NELL2: variants seen among roughly 807,000 people sequenced by gnomAD.
NELL2 encodes neural EGFL like 2.
In NELL2, 41 loss-of-function variants were observed where a neutral mutation model predicts 109.6. The ratio of observed to expected loss-of-function variants is 0.37; its 90% CI spans 0.29 to 0.49. The LOEUF is 0.49. Ranked by LOEUF, NELL2 falls within the 20% of genes least tolerant of loss-of-function variation. NELL2 has a pLI of 0.98. For synonymous variants in NELL2, 355 were observed against 344.7 expected, an observed-to-expected ratio of 1.03 and a Z score of -0.33; for missense variants, 900 against 1,008.3, an observed-to-expected ratio of 0.89 and a Z score of 1.45.
chr12:44,563,296 C>A, intron 15 of NELL2, among the ~76,000 whole-genome samples: 1 of 150,902 alleles, frequency 6.6e-6, no homozygotes, highest in Admixed American at 6.6e-5. Flanking sequence ...CCATGTATCC[C>A]AGAACTTAAA....
intron 15 of NELL2, among the ~76,000 whole-genome samples, chr12:44,582,616 G>A (rs1944362516): frequency 6.6e-6 from 1 of 152,028 alleles, no homozygotes; most frequent in Non-Finnish European, 1.5e-5. Context: ...ATGCTTTAAA[G>A]TGAAATTTAG....
At chr12:44,652,431 C>T (rs572291841) in intron 13 of NELL2, among the ~76,000 whole-genome samples, 19 of 152,172 alleles carry the variant, frequency 1.2e-4, no homozygotes, top group South Asian at 8.3e-4. Flanking sequence ...AAATGTTGAG[C>T]ACCCCTCATT....
intron 9 of NELL2, among the ~76,000 whole-genome samples, chr12:44,733,647 G>T (rs181376031): frequency 6.6e-6 from 1 of 151,900 alleles, no homozygotes; most frequent in East Asian, 1.9e-4. Context: ...ACATCAATGT[G>T]CATATAGTTA....
At chr12:44,644,784 T>G (rs1163517935) in intron 13 of NELL2, among the ~76,000 whole-genome samples, 1 of 151,478 alleles carries the variant, frequency 6.6e-6, no homozygotes, top group Non-Finnish European at 1.5e-5. Context: ...TGCTACTCAT[T>G]CATCTATACC....
chr12:44,593,369 G>A (rs1944830463), intron 15 of NELL2, among the ~76,000 whole-genome samples: 2 of 152,156 alleles, frequency 1.3e-5, no homozygotes, highest in South Asian at 2.1e-4. Flanking sequence ...AGGCAGGAGG[G>A]AGAGGAGTAA....
At chr12:44,716,685 C>T (rs1487456507) in intron 9 of NELL2, among the ~76,000 whole-genome samples, 1 of 152,048 alleles carries the variant, frequency 6.6e-6, no homozygotes, top group South Asian at 2.1e-4. Flanking sequence ...ACCTTTCTTA[C>T]ATCTATTCAG....
chr12:44,524,980 T>G (rs1941701313), intron 16 of NELL2, among the ~76,000 whole-genome samples: 1 of 152,232 alleles, frequency 6.6e-6, no homozygotes. Context: ...ATGGTACATC[T>G]GATGAGTTGA....
intron 1 of NELL2, among the ~76,000 whole-genome samples, chr12:44,912,954 G>A (rs1489086629): frequency 6.6e-6 from 1 of 152,132 alleles, no homozygotes; most frequent in Admixed American, 6.6e-5. Flanking sequence ...CTATTAAGTG[G>A]GAATTGTGAC....
At chr12:44,833,501 T>C (rs934585420) in intron 2 of NELL2, among the ~76,000 whole-genome samples, 2 of 152,106 alleles carry the variant, frequency 1.3e-5, no homozygotes, top group African/African-American at 4.8e-5. Context: ...TTAATCTCCT[T>C]AAGGACAAAA....
intron 2 of NELL2, among the ~76,000 whole-genome samples, chr12:44,827,922 C>T (rs1592612650): frequency 6.6e-6 from 1 of 152,264 alleles, no homozygotes; most frequent in Middle Eastern, 3.4e-3. Context: ...AATTTGCATT[C>T]CCACTAACAG....
chr12:44,558,185 G>T (rs891380644), intron 15 of NELL2, among the ~76,000 whole-genome samples: 1 of 152,198 alleles, frequency 6.6e-6, no homozygotes, highest in Non-Finnish European at 1.5e-5. Context: ...GAGGAAATGG[G>T]ACCAGTAAAA....
chr12:44,555,144 T>TCA (rs1943198251), intron 15 of NELL2, among the ~76,000 whole-genome samples: 1 of 152,166 alleles, frequency 6.6e-6, no homozygotes, highest in African/African-American at 2.4e-5. Context: ...TGGTTGGGGT[T>TCA]CAGGTGGAGG....
At chr12:44,645,808 A>G (rs899631733) in intron 13 of NELL2, among the ~76,000 whole-genome samples, 15 of 152,180 alleles carry the variant, frequency 9.9e-5, no homozygotes, top group Admixed American at 2.0e-4. Flanking sequence ...TTTCCCAGTT[A>G]GCATGTGATA....
intron 15 of NELL2, among the ~76,000 whole-genome samples, chr12:44,594,413 T>C (rs1237467053): frequency 6.6e-6 from 1 of 152,130 alleles, no homozygotes; most frequent in Non-Finnish European, 1.5e-5. Flanking sequence ...TGCAATACTT[T>C]AGTCTGGAGA....
At chr12:44,709,935 A>C (rs1357119609) in intron 11 of NELL2, among the ~76,000 whole-genome samples, 1 of 152,204 alleles carries the variant, frequency 6.6e-6, no homozygotes, top group Non-Finnish European at 1.5e-5. Flanking sequence ...TGTGAGAGTG[A>C]AAACTCTTAT....
At chr12:44,820,557 C>A (rs184582029) in intron 2 of NELL2, among the ~76,000 whole-genome samples, 3 of 148,652 alleles carry the variant, frequency 2.0e-5, no homozygotes, top group Admixed American at 6.8e-5. Flanking sequence ...TGCAGTGAGC[C>A]GAGATCGCGC....
intron 7 of NELL2, among the ~76,000 whole-genome samples, chr12:44,776,391 C>T (rs1421000575): frequency 6.6e-6 from 1 of 152,084 alleles, no homozygotes; most frequent in Non-Finnish European, 1.5e-5. Flanking sequence ...ATTTATAAGA[C>T]ATAAATCAAA....
intron 3 of NELL2, among the ~76,000 whole-genome samples, chr12:44,785,452 C>T (rs1942127609): frequency 6.6e-6 from 1 of 152,114 alleles, no homozygotes; most frequent in African/African-American, 2.4e-5. Flanking sequence ...GCCATACTGC[C>T]CAAAGTAATG....
At position 44,832,402 on chromosome 12, in the gene NELL2, T is replaced by C. The variant is rs1943916916; in HGVS notation, c.185-16266A>G. 2.0e-5 allele frequency among the ~76,000 whole-genome samples: 3 copies of C among 152,232 alleles called. No individual in the cohort carries two copies. The South Asian group carries it at 6.2e-4, about 32-fold the overall frequency. On this transcript the variant is annotated intron_variant, in intron 2 of 19. Transcript: ENST00000429094. Reference sequence around the variant, plus strand: ...TATTAACTAGTTTTCATCACTGGTGTTGATATGCATATTTTGGTGTGCATC... The same window carrying C: ...TATTAACTAGTTTTCATCACTGGTGCTGATATGCATATTTTGGTGTGCATC...
Sources: allele counts gnomAD v4.1 joint callset (sites outside exome capture counted in the v4.1 genomes callset), GRCh38; gene constraint gnomAD v4.1.1; transcripts MANE v1.5; gene names NCBI Gene and HGNC (gene_info 2026-07-23, HGNC 2026-07-21).